PALM2AKAP2: variants seen among roughly 807,000 people sequenced by gnomAD.
The protein encoded by PALM2AKAP2 is PALM2-AKAP2 fusion protein.
PALM2AKAP2 carries 37 observed loss-of-function variants against 71.5 expected under a neutral mutation model. The observed-to-expected ratio is 0.52, with a 90% CI of 0.40 to 0.68. The LOEUF (loss-of-function observed/expected upper bound fraction) is 0.68, where lower values mean the gene tolerates loss of function less well. Ranked by LOEUF, PALM2AKAP2 falls within the 30% of genes least tolerant of loss-of-function variation. The pLI is 0.00. For missense variants in PALM2AKAP2, 1,224 were observed against 1,191.8 expected (o/e 1.03, Z -0.40); for synonymous variants, 468 against 478.8 (o/e 0.98, Z 0.29).
At chr9:109,643,106 T>G (rs1330850771) in intron 1 of PALM2AKAP2, among the ~76,000 whole-genome samples, 100 of 120,904 alleles carry the variant, frequency 8.3e-4, no homozygotes, top group Middle Eastern at 4.4e-3. Flanking sequence ...AGGGAGGGAG[T>G]GAGGGAGGGA....
At chr9:109,770,240 C>T (rs1360578707) in intron 1 of PALM2AKAP2, among the ~76,000 whole-genome samples, 1 of 152,078 alleles carries the variant, frequency 6.6e-6, no homozygotes, top group Non-Finnish European at 1.5e-5. Flanking sequence ...CTCAGTTGCT[C>T]TGATATTCTA....
chr9:110,096,796 G>T (rs1244864177), intron 1 of PALM2AKAP2, among the ~76,000 whole-genome samples: 4 of 151,676 alleles, frequency 2.6e-5, no homozygotes, highest in Admixed American at 1.3e-4. Context: ...GGGTTGGGGG[G>T]GGGTGAGTCC....
At chr9:109,838,537 C>G (rs1828551672) in intron 1 of PALM2AKAP2, among the ~76,000 whole-genome samples, 1 of 152,138 alleles carries the variant, frequency 6.6e-6, no homozygotes, top group Non-Finnish European at 1.5e-5. Flanking sequence ...CAGAGCAGAA[C>G]TGAAGGAAAT....
exon 2 of PALM2AKAP2, chr9:110,137,517 T>C: frequency 1.2e-6 from 2 of 1,614,116 alleles, no homozygotes; most frequent in Non-Finnish European, 1.7e-6. Context: ...CGTGGGCCCT[T>C]ATCTAAACTG....
At chr9:109,971,285 T>G (rs1832062780) in intron 6 of PALM2AKAP2, among the ~76,000 whole-genome samples, 1 of 59,734 alleles carries the variant, frequency 1.7e-5, no homozygotes, top group African/African-American at 8.4e-5. Flanking sequence ...CTTAGTCCCT[T>G]TTTTTTTTTT....
chr9:110,100,536 A>G (rs571163623), intron 1 of PALM2AKAP2, among the ~76,000 whole-genome samples: 1 of 152,140 alleles, frequency 6.6e-6, no homozygotes, highest in Non-Finnish European at 1.5e-5. Context: ...GAGAAAGGCC[A>G]CTGGAAATGG....
rs1309228447 is a variant in PALM2AKAP2, at chr9:109,661,252, G to C, written c.5+20386G>C. Among the ~76,000 whole-genome samples the C allele has an allele frequency of 3.9e-5, 6 of 152,282 alleles. No individual in the cohort carries two copies. In the East Asian group the frequency reaches 1.2e-3, roughly 29 times the overall value. ...AAGTCCTTGCCCATGCCTATGTCCT[G>C]AATGGTATTGCCTAGGTTTTCTTCT... On this transcript the variant is annotated intron_variant, in intron 1 of 6. Coordinates refer to the PALM2AKAP2 transcript ENST00000374531.
In PALM2AKAP2 at chr9:109,789,989, C is replaced by T. The variant is rs943259280; in HGVS notation, c.45+9456C>T. On this transcript the variant is annotated intron_variant, in intron 1 of 9. Transcript: ENST00000302798. ...TATATTAAAAATACTTTGGATTACT[C>T]TTTGACCCTAGTATCACTGTTTCTA... Among the ~76,000 whole-genome samples the T allele has an allele frequency of 5.3e-5, 8 of 152,118 alleles. 1 individual carries two copies. Among genetic ancestry groups the T allele is most frequent in the African/African-American group, 1.9e-4 (8 of 41,430 alleles).
At chr9:110,088,719 T>TTG (rs1834634724) in intron 1 of PALM2AKAP2, among the ~76,000 whole-genome samples, 1 of 134,364 alleles carries the variant, frequency 7.4e-6, no homozygotes, top group African/African-American at 2.8e-5. Flanking sequence ...TTTTTTTTTT[T>TTG]TTTTTTTTTT....
intron 1 of PALM2AKAP2, among the ~76,000 whole-genome samples, chr9:109,716,039 C>T (rs578081190): frequency 2.0e-5 from 3 of 152,258 alleles, no homozygotes; most frequent in African/African-American, 4.8e-5. Flanking sequence ...TGAATGTTTT[C>T]CTATGTGAGT....
At chr9:109,907,818 G>C (rs1391758414) in intron 3 of PALM2AKAP2, among the ~76,000 whole-genome samples, 1 of 152,198 alleles carries the variant, frequency 6.6e-6, no homozygotes, top group African/African-American at 2.4e-5. Context: ...CAAAACCCAA[G>C]ACAAAGTTCT....
chr9:109,853,916 C>T (rs1359331180), intron 1 of PALM2AKAP2, among the ~76,000 whole-genome samples: 1 of 152,144 alleles, frequency 6.6e-6, no homozygotes, highest in Non-Finnish European at 1.5e-5. Context: ...GAGCTTCCTA[C>T]TGGAGCATCC....
intron 1 of PALM2AKAP2, among the ~76,000 whole-genome samples, chr9:109,783,689 A>G (rs535176932): frequency 6.6e-6 from 1 of 152,338 alleles, no homozygotes; most frequent in African/African-American, 2.4e-5. Flanking sequence ...AGACAGAGGC[A>G]GAGATATGAC....
At chr9:110,012,447 C>T (rs1030342334) in intron 6 of PALM2AKAP2, among the ~76,000 whole-genome samples, 4 of 152,194 alleles carry the variant, frequency 2.6e-5, no homozygotes, top group South Asian at 2.1e-4. Context: ...GTGGGACCCA[C>T]ATTTTCACAC....
At chr9:109,923,637 C>T in intron 3 of PALM2AKAP2, 98 bp from the exon 4 acceptor site, 1 of 1,301,420 alleles carries the variant, frequency 7.7e-7, no homozygotes, top group African/African-American at 1.5e-5. Context: ...ACAAAGGCTG[C>T]CAGGAAGGTA....
intron 7 of PALM2AKAP2, among the ~76,000 whole-genome samples, chr9:110,018,301 C>T (rs1006146995): frequency 4.6e-5 from 7 of 152,140 alleles, no homozygotes; most frequent in Non-Finnish European, 8.8e-5. Flanking sequence ...ATACCATACA[C>T]TTTAAATAGT....
chr9:109,760,555 T>C (rs565596247), intron 1 of PALM2AKAP2: 48 of 152,294 alleles, frequency 3.2e-4, no homozygotes, highest in South Asian at 2.9e-3. Flanking sequence ...AAAATCAGCA[T>C]TGAATAAACT....
chr9:109,727,551 T>A (rs906452522), intron 1 of PALM2AKAP2, among the ~76,000 whole-genome samples: 8 of 152,216 alleles, frequency 5.3e-5, no homozygotes, highest in African/African-American at 1.9e-4. Flanking sequence ...CTGATGCAGG[T>A]GGCCAATGAT....
chr9:109,695,723 A>G (rs1420832363), intron 1 of PALM2AKAP2, among the ~76,000 whole-genome samples: 3 of 152,226 alleles, frequency 2.0e-5, no homozygotes, highest in Non-Finnish European at 4.4e-5. Context: ...GTAATTTTCA[A>G]CAACATGCAT....
Sources: allele counts gnomAD v4.1 joint callset (sites outside exome capture counted in the v4.1 genomes callset), GRCh38; gene constraint gnomAD v4.1.1; transcripts MANE v1.5; gene names NCBI Gene and HGNC (gene_info 2026-07-23, HGNC 2026-07-21).